ADGRL2: variants seen among roughly 807,000 people sequenced by gnomAD.
ADGRL2 encodes the protein adhesion G protein-coupled receptor L2.
ADGRL2 carries 44 observed loss-of-function variants against 157.4 expected under a neutral mutation model. The observed-to-expected ratio is 0.28, with a 90% CI of 0.22 to 0.36. The LOEUF is 0.36. ADGRL2 is among the 10% of genes least tolerant of loss of function. ADGRL2 has a pLI of 1.00. For missense variants in ADGRL2, 1,510 were observed against 1,768.9 expected (o/e 0.85, Z 2.63); for synonymous variants, 585 against 624.7 (o/e 0.94, Z 0.95).
intron 3 of ADGRL2, among the ~76,000 whole-genome samples, chr1:81,687,907 T>G (rs151298255): frequency 3.1e-3 from 469 of 152,290 alleles, no homozygotes; most frequent in African/African-American, 0.011. Context: ...TGAAAACAAC[T>G]ATATTTCCTT....
At chr1:81,874,956 C>T (rs959077521) in intron 2 of ADGRL2, among the ~76,000 whole-genome samples, 7 of 152,126 alleles carry the variant, frequency 4.6e-5, no homozygotes, top group Non-Finnish European at 8.8e-5. Context: ...ATCCACCCAC[C>T]TCAGCCTCCC....
At chr1:81,738,875 T>C (rs2149213817) in intron 1 of ADGRL2, among the ~76,000 whole-genome samples, 1 of 152,340 alleles carries the variant, frequency 6.6e-6, no homozygotes, top group Admixed American at 6.5e-5. Context: ...GGATTCTACC[T>C]TCACAACAAT....
chr1:81,841,144 A>T (rs1406905889), intron 2 of ADGRL2, among the ~76,000 whole-genome samples: 1 of 152,152 alleles, frequency 6.6e-6, no homozygotes, highest in East Asian at 1.9e-4. Context: ...ATGTAATTAG[A>T]TTTTATTAGT....
At chr1:81,956,848 C>T (rs2149149594) in intron 11 of ADGRL2, among the ~76,000 whole-genome samples, 1 of 152,202 alleles carries the variant, frequency 6.6e-6, no homozygotes, top group South Asian at 2.1e-4. Flanking sequence ...GTGCTAACTT[C>T]ATTAGGGCAG....
At chr1:81,344,659 T>A (rs1662332966) in intron 1 of ADGRL2, among the ~76,000 whole-genome samples, 1 of 108,710 alleles carries the variant, frequency 9.2e-6, no homozygotes. Flanking sequence ...AGAGCGAAAC[T>A]CTGTCTCAAA....
chr1:81,638,063 TA>T (rs1284763699), intron 3 of ADGRL2, among the ~76,000 whole-genome samples: 1 of 151,988 alleles, frequency 6.6e-6, no homozygotes, highest in Non-Finnish European at 1.5e-5. Context: ...CATTAGATGA[TA>T]ATGGGGCTGG....
intron 2 of ADGRL2, among the ~76,000 whole-genome samples, chr1:81,876,477 A>G (rs1158767436): frequency 6.6e-6 from 1 of 152,172 alleles, no homozygotes; most frequent in Non-Finnish European, 1.5e-5. Flanking sequence ...GTGCTATAAA[A>G]TTACTTTTTC....
chr1:81,987,350 T>G (rs1365059958), intron 22 of ADGRL2: 1 of 1,475,558 alleles, frequency 6.8e-7, no homozygotes, highest in Non-Finnish European at 9.5e-7. Context: ...AGGTATCCTA[T>G]CTATATAATA....
At chr1:81,833,274 G>A (rs1289251004) in intron 1 of ADGRL2, among the ~76,000 whole-genome samples, 1 of 152,166 alleles carries the variant, frequency 6.6e-6, no homozygotes, top group Non-Finnish European at 1.5e-5. Flanking sequence ...TAACAAGGAT[G>A]GGTGACTTTG....
upstream of ADGRL2, among the ~76,000 whole-genome samples, chr1:81,799,116 G>T (rs575949113): frequency 3.9e-5 from 6 of 152,266 alleles, no homozygotes; most frequent in South Asian, 1.2e-3. Flanking sequence ...TCAACGACTT[G>T]AAGTAGCCTG....
At chr1:81,965,350 C>T (rs563222563) in intron 11 of ADGRL2, among the ~76,000 whole-genome samples, 1 of 152,236 alleles carries the variant, frequency 6.6e-6, no homozygotes, top group Non-Finnish European at 1.5e-5. Context: ...ACTTTATTTA[C>T]AAAAACAAAT....
intron 3 of ADGRL2, among the ~76,000 whole-genome samples, chr1:81,622,966 G>A (rs367713819): frequency 2.0e-4 from 30 of 152,260 alleles, no homozygotes; most frequent in African/African-American, 7.2e-4. Flanking sequence ...GGGCATTTGG[G>A]AAATTTTATT....
chr1:81,956,269 ATG>A (rs1248477167), intron 11 of ADGRL2, among the ~76,000 whole-genome samples: 1 of 152,186 alleles, frequency 6.6e-6, no homozygotes, highest in Non-Finnish European at 1.5e-5. Context: ...AGTTGGTTTT[ATG>A]TGTGTGTGTT....
At position 81,554,215 on chromosome 1, in the gene ADGRL2, C is replaced by T. The variant is rs1401135081; in HGVS notation, c.-247-26661C>T. 2.6e-5 allele frequency among the ~76,000 whole-genome samples: 4 copies of T among 152,196 alleles called. No individual in the cohort carries two copies. In the East Asian group the frequency reaches 7.7e-4, roughly 29 times the overall value. ...GTTCCAGGAGACACTTACTTTTCAG[C>T]CACACCTGTAGGGATTCCAGCTGTA... On this transcript the variant is annotated intron_variant, in intron 2 of 24. Coordinates refer to the ADGRL2 transcript ENST00000370721.
chr1:81,950,605 G>T, intron 7 of ADGRL2, 123 bp downstream of exon 7: 2 of 942,524 alleles, frequency 2.1e-6, no homozygotes, highest in South Asian at 3.5e-5. Flanking sequence ...TTTGTACTTT[G>T]GTAATATAAC....
chr1:81,313,989 T>C (rs1234488460), intron 1 of ADGRL2, among the ~76,000 whole-genome samples: 6 of 152,180 alleles, frequency 3.9e-5, no homozygotes, highest in African/African-American at 1.2e-4. Flanking sequence ...TGAAAGATGA[T>C]ATTAAGTGCA....
At chr1:81,351,235 C>CT (rs748195286) in intron 1 of ADGRL2, among the ~76,000 whole-genome samples, 50 of 142,208 alleles carry the variant, frequency 3.5e-4, no homozygotes, top group Middle Eastern at 3.7e-3. Flanking sequence ...GAGGTTGTTC[C>CT]TTTTTTTTTT....
At chr1:81,871,542 G>C (rs1005442100) in intron 2 of ADGRL2, among the ~76,000 whole-genome samples, 1 of 152,112 alleles carries the variant, frequency 6.6e-6, no homozygotes, top group Admixed American at 6.5e-5. Flanking sequence ...CTAGTTTACA[G>C]TCCCACCAGC....
At position 81,567,178 on chromosome 1, in the gene ADGRL2, T is replaced by C. The variant is rs193155858; in HGVS notation, c.-247-13698T>C. Among the ~76,000 whole-genome samples the C allele has an allele frequency of 1.5e-3, 235 of 152,258 alleles. 3 individuals are homozygous for C. The highest frequency in any genetic ancestry group is 5.5e-3 in the African/African-American group (229 of 41,574). On this transcript the variant is annotated intron_variant, in intron 2 of 24. Coordinates refer to the ADGRL2 transcript ENST00000370721. ...TGGAATCAGCTGTTCTTTTTGAAGA[T>C]CTAGTCATAAATTATCTAGTCCTGC...
Sources: allele counts gnomAD v4.1 joint callset (sites outside exome capture counted in the v4.1 genomes callset), GRCh38; gene constraint gnomAD v4.1.1; transcripts MANE v1.5; gene names NCBI Gene and HGNC (gene_info 2026-07-23, HGNC 2026-07-21).